STEAP3: variants seen among roughly 807,000 people sequenced by gnomAD.
STEAP3 encodes the protein metalloreductase STEAP3.
In STEAP3, 35 loss-of-function variants were observed where a neutral mutation model predicts 34.9. The ratio of observed to expected loss-of-function variants is 1.00; its 90% CI spans 0.76 to 1.33. STEAP3 has a LOEUF of 1.33. Among genes scored for constraint, STEAP3 ranks in the 40% most tolerant of loss-of-function variants. The probability of loss-of-function intolerance (pLI) is 0.00; values close to 1 mark genes in which losing one functional copy is unlikely to be tolerated. For missense variants in STEAP3, 652 were observed against 667.6 expected (o/e 0.98, Z 0.26); for synonymous variants, 281 against 301.6 (o/e 0.93, Z 0.71).
At chr2:119,258,060 G>A (rs1239912151) in intron 5 of STEAP3, among the ~76,000 whole-genome samples, 2 of 152,170 alleles carry the variant, frequency 1.3e-5, no homozygotes, top group Non-Finnish European at 2.9e-5. Context: ...GCTGAACGAG[G>A]GGTGGATTAT....
At chr2:119,250,464 C>T (rs1019395272) in intron 4 of STEAP3, among the ~76,000 whole-genome samples, 18 of 152,282 alleles carry the variant, frequency 1.2e-4, no homozygotes, top group Admixed American at 3.9e-4. Context: ...TGCTCTTTGA[C>T]GATATTTTCT....
chr2:119,242,735 G>T (rs1677285695), intron 2 of STEAP3, among the ~76,000 whole-genome samples: 1 of 152,218 alleles, frequency 6.6e-6, no homozygotes. Flanking sequence ...GCCCATAAGG[G>T]AAGTGCTGCC....
rs772193733 is a variant in STEAP3, at chr2:119,254,704, C to T, written c.1071C>T (p.His357=). The change falls in exon 5 of 6, where the codon CAC becomes CAT. Residue 357 remains histidine, a synonymous_variant. Transcript: ENST00000393110. ...AVKQVLANKS[H]LWVEEEVWRM... The stretch of plus-strand genomic sequence containing the variant: ...GTCAGGTCTTGGCCAACAAGAGCCA[C>T]CTCTGGGTGGAGGAGGAGGTCTGGC... The T allele has an allele frequency of 6.2e-7, 1 of 1,614,172 alleles. No individual in the cohort carries two copies. The highest frequency in any genetic ancestry group is 8.5e-7 in the Non-Finnish European group (1 of 1,180,036).
Position 119,245,561 on chromosome 2 carries a change from C to T in STEAP3, c.95C>T (p.Ala32Val). 2 of 1,604,114 alleles carry T rather than the reference C, an allele frequency of 1.2e-6. No homozygotes were observed. The highest frequency in any genetic ancestry group is 1.7e-6 in the Non-Finnish European group (2 of 1,171,732). Residue 32 changes from alanine to valine, a missense_variant, in exon 3 of 6, where the codon GCC (alanine) becomes GTC (valine). Transcript: ENST00000393110. ...CTGGTGGACAGCGATAGTAGCCTTG[C>T]CAAGGTCCCCGATGAGGCCCCCAAA... ...LHLVDSDSSL[A>V]KVPDEAPKVG...
intron 1 of STEAP3, among the ~76,000 whole-genome samples, chr2:119,228,473 G>A (rs867142039): frequency 2.1e-4 from 32 of 152,320 alleles, no homozygotes; most frequent in African/African-American, 7.7e-4. Context: ...CTGGGTGAAA[G>A]GCCAGAGCAG....
chr2:119,249,938 C>G (rs1164244208), intron 4 of STEAP3, among the ~76,000 whole-genome samples: 1 of 152,204 alleles, frequency 6.6e-6, no homozygotes. Flanking sequence ...AGGAACCATT[C>G]TAAGAGCTTC....
chr2:119,245,811 G>A lies in STEAP3; in HGVS notation c.345G>A (p.Gln115=). ...HYSSLCSLSD[Q]LAGKILVDVS... ...CTTCACTGTGCAGTCTCAGTGACCA[G>A]CTGGCGGGCAAGATCCTGGTGGATG... Residue 115 remains glutamine, a synonymous_variant, in exon 3 of 6, where the codon CAG becomes CAA. Transcript: ENST00000393110. 1.2e-6 allele frequency: 2 copies of A among 1,614,228 alleles called. No individual in the cohort carries two copies. Among genetic ancestry groups the A allele is most frequent in the Non-Finnish European group, 1.7e-6 (2 of 1,180,048 alleles).
At chr2:119,241,184 A>G (rs970966062) in intron 2 of STEAP3, among the ~76,000 whole-genome samples, 5 of 152,090 alleles carry the variant, frequency 3.3e-5, no homozygotes, top group Non-Finnish European at 7.3e-5. Context: ...CAGTCTTTAG[A>G]GAGGTATAAT....
chr2:119,238,603 G>A (rs1233565618), intron 2 of STEAP3, among the ~76,000 whole-genome samples: 1 of 152,140 alleles, frequency 6.6e-6, no homozygotes, highest in African/African-American at 2.4e-5. Context: ...TCTCGATGCT[G>A]TGCTCTTTCG....
rs1676907676 is a variant in STEAP3 at position 119,230,828 on chromosome 2, C to G, written c.-185C>G. 4.2e-6 allele frequency: 3 copies of G among 709,106 alleles called. No individual in the cohort carries two copies. The highest frequency in any genetic ancestry group is 4.3e-5 in the Admixed American group (2 of 46,288). 43.9% of individuals were successfully genotyped at this position (709,106 alleles called of 1,614,324 possible). A position where few individuals can be genotyped will look rare whatever the true frequency, so the allele number is the denominator to read the frequency against. ...CCGGTCCAGCCCCTGTGGCCAAGAG[C>G]TGGCGTGCAGGCTGCGGGAGGCAGC... On this transcript the variant is annotated 5_prime_UTR_variant, in exon 2 of 6. Coordinates refer to ENST00000393110, the MANE Select transcript of STEAP3 (RefSeq NM_182915.3).
intron 3 of STEAP3, among the ~76,000 whole-genome samples, chr2:119,247,057 T>G (rs1446966193): frequency 6.6e-6 from 1 of 152,072 alleles, no homozygotes; most frequent in Non-Finnish European, 1.5e-5. Flanking sequence ...ACCAATGCAG[T>G]GTCAACAAGG....
At chr2:119,238,259 CCCAG>C (rs1377408565) in intron 2 of STEAP3, among the ~76,000 whole-genome samples, 1 of 152,238 alleles carries the variant, frequency 6.6e-6, no homozygotes, top group African/African-American at 2.4e-5. Flanking sequence ...ATTTTACAAT[CCCAG>C]CAGCAGTGTA....
intron 4 of STEAP3, among the ~76,000 whole-genome samples, chr2:119,251,814 C>A (rs981362722): frequency 6.6e-6 from 1 of 152,226 alleles, no homozygotes; most frequent in Non-Finnish European, 1.5e-5. Flanking sequence ...CCCCAGGACA[C>A]CTTGACAGCT....
Position 119,263,088 on chromosome 2 carries a change from G to A in STEAP3, c.1247G>A (p.Ser416Asn). ...SSLGFVALVL[S>N]TLHTLTYGWT... The stretch of plus-strand genomic sequence containing the variant: ...CTGGGCTTTGTGGCCCTCGTGCTGA[G>A]CACACTGCACACGCTCACCTACGGC... The change falls in exon 6 of 6, where the codon AGC becomes AAC. Residue 416 changes from serine to asparagine, a missense_variant. Ser to Asn is a conservative substitution (Grantham distance 46). Coordinates refer to ENST00000393110, the MANE Select transcript of STEAP3 (RefSeq NM_182915.3). 5 of 1,609,496 alleles carry A rather than the reference G, an allele frequency of 3.1e-6. No individual in the cohort carries two copies. In the South Asian group the frequency reaches 5.5e-5, roughly 18 times the overall value.
At chr2:119,226,717 A>C (rs1437287064) in intron 1 of STEAP3, among the ~76,000 whole-genome samples, 1 of 151,930 alleles carries the variant, frequency 6.6e-6, no homozygotes, top group East Asian at 1.9e-4. Flanking sequence ...TTGTGCTCCA[A>C]CCGTCACATC....
rs1420015630 is a variant in STEAP3 at position 119,263,430 on chromosome 2, A to G, written c.*92A>G. The G allele has an allele frequency of 6.5e-7, 1 of 1,529,174 alleles. No individual in the cohort carries two copies. The highest frequency in any genetic ancestry group is 1.2e-5 in the South Asian group (1 of 83,474). The allele number at this position is 1,529,174 out of a possible 1,614,324, so 94.7% of individuals were successfully genotyped here. ...TTTTCTTGGTGGTGCAAAGTGGTAT[A>G]ACTGTGTGCAAATAGGAGGTTTGAG... On this transcript the variant is annotated 3_prime_UTR_variant, in exon 6 of 6. Coordinates refer to ENST00000393110, the MANE Select transcript of STEAP3 (RefSeq NM_182915.3).
chr2:119,246,186 G>A (rs1336497648), intron 3 of STEAP3, 198 bp downstream of exon 3: 4 of 756,632 alleles, frequency 5.3e-6, no homozygotes, highest in African/African-American at 3.5e-5. Context: ...GGTAAGTTGG[G>A]ATTTGAACCC....
In STEAP3 at chr2:119,263,256, G is replaced by A. The variant is rs776593892; in HGVS notation, c.1415G>A (p.Arg472Gln). The A allele has an allele frequency of 4.8e-5, 78 of 1,613,928 alleles. No individual in the cohort carries two copies. The highest frequency in any genetic ancestry group is 6.0e-5 in the Non-Finnish European group (71 of 1,180,014). ...ATCAGCCGCAGACTCGCCAGGATCC[G>A]GAGAGGCTGGGAGAGGGAGAGCACC... ...PCISRRLARI[R>Q]RGWERESTIK... Residue 472 changes from arginine (R) to glutamine (Q), a missense_variant, in exon 6 of 6, where the codon CGG (arginine) becomes CAG (glutamine). Transcript: ENST00000393110.
chr2:119,237,639 G>A (rs899151379), intron 2 of STEAP3, among the ~76,000 whole-genome samples: 8 of 152,182 alleles, frequency 5.3e-5, no homozygotes, highest in African/African-American at 1.7e-4. Context: ...CTCATGGAGC[G>A]CGCTTAAGCT....
Sources: gnomAD v4.1 joint callset for allele counts (sites outside exome capture counted in the v4.1 genomes callset) on GRCh38, gnomAD v4.1.1 for gene constraint, MANE v1.5 for transcripts, NCBI Gene and HGNC (gene_info 2026-07-23, HGNC 2026-07-21) for gene names.